The following VSIG10 variants were observed in gnomAD, a reference collection of about 807,000 sequenced individuals.
VSIG10 encodes the protein V-set and immunoglobulin domain containing 10, also known as V-set and immunoglobulin domain-containing protein 10.
In VSIG10, 48 loss-of-function variants were observed where a neutral mutation model predicts 58.7. The observed-to-expected ratio is 0.82, with a 90% CI of 0.65 to 1.04. VSIG10 has a LOEUF of 1.04. Ranked by LOEUF, VSIG10 falls within the 50% of genes least tolerant of loss-of-function variation. The pLI is 0.00. For synonymous variants in VSIG10, 260 were observed against 267.1 expected (o/e 0.97, Z 0.26); for missense variants, 628 against 670.0 (o/e 0.94, Z 0.69).
Position 118,066,605 on chromosome 12 carries a change from T to C in VSIG10, c.*34A>G, listed in dbSNP as rs2032254666. Reference sequence around the variant, plus strand: ...CGTCTTCAATGTAGCTCTCCAAGCTTTCAGAGCAAGACAACCATGGACCAT... The same window carrying C: ...CGTCTTCAATGTAGCTCTCCAAGCTCTCAGAGCAAGACAACCATGGACCAT... On this transcript the variant is annotated 3_prime_UTR_variant, in exon 9 of 9. Transcript: ENST00000359236. 1.9e-6 allele frequency: 3 copies of C among 1,612,882 alleles called. No homozygotes were observed. The highest frequency in any genetic ancestry group is 1.1e-5 in the South Asian group (1 of 91,070).
rs780655053 is a variant in VSIG10, at chr12:118,073,780, C to T, written c.1138G>A (p.Asp380Asn). ...CAGATGTAGTAGCCCTCATCCAGGT[C>T]CTGGGAGCAGTTGTGGATAGTGAGG... ...STLTIHNCSQDLDEGYYICRA... is the reference protein window; with the variant it reads ...STLTIHNCSQNLDEGYYICRA... Residue 380 changes from aspartate to asparagine, a missense_variant, in exon 5 of 9, where the codon GAC becomes AAC. Transcript: ENST00000359236. The T allele has an allele frequency of 3.1e-6, 5 of 1,613,996 alleles. No individual in the cohort carries two copies. Among genetic ancestry groups the T allele is most frequent in the Non-Finnish European group, 2.5e-6 (3 of 1,179,892 alleles).
chr12:118,068,139 A>C (rs1220908631), intron 8 of VSIG10, among the ~76,000 whole-genome samples: 4 of 140,484 alleles, frequency 2.8e-5, no homozygotes, highest in African/African-American at 1.1e-4. Context: ...AGTGATCCTC[A>C]GCCTCCCAAG....
intron 7 of VSIG10, among the ~76,000 whole-genome samples, chr12:118,069,083 T>C (rs1296453045): frequency 6.6e-6 from 1 of 151,966 alleles, no homozygotes; most frequent in Non-Finnish European, 1.5e-5. Flanking sequence ...TTTCAGACTA[T>C]ACATTTCTTT....
chr12:118,089,942 A>G (rs192588546), intron 2 of VSIG10, among the ~76,000 whole-genome samples: 1 of 152,278 alleles, frequency 6.6e-6, no homozygotes, highest in Non-Finnish European at 1.5e-5. Flanking sequence ...TACCAAACAC[A>G]TACATTTTCC....
rs575657208 is a variant in VSIG10 at position 118,084,892 on chromosome 12, G to A, written c.362-2463C>T. Among the ~76,000 whole-genome samples, 18 of 152,234 alleles carry A rather than the reference G, an allele frequency of 1.2e-4. No homozygotes were observed. In the South Asian group the frequency reaches 1.2e-3, roughly 11 times the overall value. On this transcript the variant is annotated intron_variant, in intron 2 of 8. Coordinates refer to ENST00000359236, the MANE Select transcript of VSIG10 (RefSeq NM_019086.6). ...AAATTAGCAAGGCATGGTGGCGGGC[G>A]CCTGTAGTCCCAGCTACTCTGGAGG... is the stretch of plus-strand genomic sequence containing the variant.
At chr12:118,091,920 G>A (rs2033311817) in intron 2 of VSIG10, among the ~76,000 whole-genome samples, 1 of 151,876 alleles carries the variant, frequency 6.6e-6, no homozygotes, top group African/African-American at 2.4e-5. Context: ...ACCACACCTG[G>A]CTAATTTCTT....
Position 118,066,472 on chromosome 12 carries a change from T to A in VSIG10, c.*167A>T. ...AATCAAACCAATGTTTTTCAATACA[T>A]GGAAGGAAAGATGTGTGTGCTTGGT... On this transcript the variant is annotated 3_prime_UTR_variant, in exon 9 of 9. Coordinates refer to ENST00000359236, the MANE Select transcript of VSIG10 (RefSeq NM_019086.6). The A allele has an allele frequency of 1.4e-6, 1 of 696,736 alleles. No homozygotes were observed. 43.2% of individuals were successfully genotyped at this position (696,736 alleles called of 1,614,324 possible).
At chr12:118,101,217 G>A (rs933882889) in intron 1 of VSIG10, among the ~76,000 whole-genome samples, 5 of 152,218 alleles carry the variant, frequency 3.3e-5, no homozygotes, top group African/African-American at 1.2e-4. Context: ...GGTTGAAGAT[G>A]AGATTGAGTC....
chr12:118,073,542 T>C (rs2032584996), intron 5 of VSIG10, among the ~76,000 whole-genome samples, 157 bp downstream of exon 5: 2 of 152,204 alleles, frequency 1.3e-5, no homozygotes, highest in Non-Finnish European at 2.9e-5. Flanking sequence ...TTGGATAATT[T>C]CTTCCAGCCA....
Position 118,068,543 on chromosome 12 carries a change from CTCCTCT to C in VSIG10, c.1395_1400del (p.Glu473_Glu474del), listed in dbSNP as rs754176249. 17 of 1,488,902 alleles carry C rather than the reference CTCCTCT, an allele frequency of 1.1e-5. No individual in the cohort carries two copies. Among genetic ancestry groups the C allele is most frequent in the Non-Finnish European group, 1.5e-5 (17 of 1,112,564 alleles). The allele number at this position is 1,488,902 out of a possible 1,614,324, so 92.2% of individuals were successfully genotyped here. The stretch of plus-strand genomic sequence containing the variant: ...CATCTTCCTCCTCCTCCTCCTCCTC[CTCCTCT>C]TCCTCTTCTGAATCCACCAAAACCA... On this transcript the variant is annotated inframe_deletion, in exon 8 of 9. Coordinates refer to ENST00000359236, the MANE Select transcript of VSIG10 (RefSeq NM_019086.6).
Position 118,082,424 on chromosome 12 carries a change from G to C in VSIG10, c.367C>G (p.Pro123Ala). The change falls in exon 3 of 9, where the codon CCC (proline) becomes GCC (alanine). Residue 123 changes from proline (P) to alanine (A), a missense_variant. By Grantham distance (27) the Pro-to-Ala change is conservative. Coordinates refer to ENST00000359236, the MANE Select transcript of VSIG10 (RefSeq NM_019086.6). Reference sequence around the variant, plus strand: ...ACGATGTGGACCTCAATCTGATAGGGGCCGCCTGGGGATGACAGGGGGAAT... The same window carrying C: ...ACGATGTGGACCTCAATCTGATAGGCGCCGCCTGGGGATGACAGGGGGAAT... ...FQVWLQVASG[P>A]YQIEVHIVAT... is the part of the protein sequence containing the mutation. 1 of 1,607,420 alleles carries C rather than the reference G, an allele frequency of 6.2e-7. No individual in the cohort carries two copies. The highest frequency in any genetic ancestry group is 8.5e-7 in the Non-Finnish European group (1 of 1,175,196).
At chr12:118,103,159 G>A (rs1459819612) in intron 1 of VSIG10, 1 of 156,416 alleles carries the variant, frequency 6.4e-6, no homozygotes, top group East Asian at 1.9e-4. Context: ...ACAGGTGTAA[G>A]GCGAGTTCAA....
chr12:118,070,008 T>A (rs183778835), intron 7 of VSIG10, among the ~76,000 whole-genome samples: 1 of 152,278 alleles, frequency 6.6e-6, no homozygotes, highest in East Asian at 1.9e-4. Context: ...TTACTAAGAA[T>A]GGCCCTCCAA....
chr12:118,099,198 G>A (rs1263782764), intron 1 of VSIG10, among the ~76,000 whole-genome samples: 6 of 152,010 alleles, frequency 3.9e-5, no homozygotes, highest in Non-Finnish European at 4.4e-5. Flanking sequence ...AAGCTGCAGT[G>A]AGCCACAATT....
intron 3 of VSIG10, among the ~76,000 whole-genome samples, chr12:118,079,991 G>A (rs1189360164): frequency 1.3e-5 from 2 of 152,074 alleles, no homozygotes; most frequent in Non-Finnish European, 2.9e-5. Context: ...GCGCCACCAC[G>A]CCCTGCTTAT....
intron 2 of VSIG10, among the ~76,000 whole-genome samples, chr12:118,083,298 G>A (rs930392216): frequency 6.6e-6 from 1 of 151,478 alleles, no homozygotes; most frequent in African/African-American, 2.4e-5. Context: ...AAAAATTAGG[G>A]CCAGCACGGT....
intron 7 of VSIG10, 75 bp downstream of exon 7, chr12:118,070,977 G>A (rs2032467341): frequency 6.5e-7 from 1 of 1,541,492 alleles, no homozygotes; most frequent in African/African-American, 1.4e-5. Context: ...TTGTTCTTGT[G>A]AAAGGAAGGG....
At chr12:118,069,584 T>C (rs979585480) in intron 7 of VSIG10, among the ~76,000 whole-genome samples, 1 of 151,916 alleles carries the variant, frequency 6.6e-6, no homozygotes, top group Admixed American at 6.6e-5. Context: ...CGCCACTACA[T>C]GCGGCTAATT....
At chr12:118,103,306 C>G (rs2033666146) in intron 1 of VSIG10, 1 of 355,320 alleles carries the variant, frequency 2.8e-6, no homozygotes, top group Non-Finnish European at 5.0e-6. Context: ...ACACGTGCCT[C>G]TTTACTTTGC....
Sources: allele counts gnomAD v4.1 joint callset (sites outside exome capture counted in the v4.1 genomes callset), GRCh38; gene constraint gnomAD v4.1.1; transcripts MANE v1.5; gene names NCBI Gene and HGNC (gene_info 2026-07-23, HGNC 2026-07-21).